The following RPL28 variants were observed in gnomAD, a reference collection of about 807,000 sequenced individuals.
The protein encoded by RPL28 is large ribosomal subunit protein eL28.
A neutral mutation model predicts 12.5 loss-of-function variants in RPL28; 4 were observed. The observed-to-expected ratio is 0.32, with a 90% CI of 0.16 to 0.73. RPL28 has a LOEUF of 0.73. RPL28 is among the 30% of genes least tolerant of loss of function. The pLI is 0.66. For missense variants in RPL28, 214 were observed against 197.7 expected (o/e 1.08, Z -0.49); for synonymous variants, 91 against 72.5 (o/e 1.26, Z -1.30).
intron 3 of RPL28, 113 bp from the exon 4 acceptor site, chr19:55,387,817 G>T: frequency 6.8e-7 from 1 of 1,470,410 alleles, no homozygotes. Context: ...CCAGGCACCC[G>T]CCACGGGCCC....
chr19:55,391,833 C>G lies in RPL28; in HGVS notation c.*3501C>G, dbSNP rs2089993026. ...CACATGCCTATGACTAATTTGTACACAAACTAATGCTCGTGTTTCCCAAGC... is the reference window on the plus strand; with the variant it reads ...CACATGCCTATGACTAATTTGTACAGAAACTAATGCTCGTGTTTCCCAAGC... On this transcript the variant is annotated 3_prime_UTR_variant, in exon 5 of 5. Transcript: ENST00000344063. 7.1e-7 allele frequency: 1 copy of G among 1,398,950 alleles called. No individual in the cohort carries two copies. The highest frequency in any genetic ancestry group is 9.4e-7 in the Non-Finnish European group (1 of 1,065,380). 86.7% of individuals were successfully genotyped at this position (1,398,950 alleles called of 1,614,324 possible).
At chr19:55,396,830 T>C (rs1194986441), downstream of RPL28, among the ~76,000 whole-genome samples, 3 of 151,490 alleles carry the variant, frequency 2.0e-5, no homozygotes, top group Admixed American at 2.0e-4. Flanking sequence ...TCCGCCCGCC[T>C]TGGCCTCCCA....
intron 3 of RPL28, chr19:55,387,406 A>G (rs1269490322): frequency 5.2e-6 from 8 of 1,547,646 alleles, no homozygotes; most frequent in Admixed American, 4.0e-5. Flanking sequence ...CACGTAGTCC[A>G]GGGAGCAGCC....
In RPL28 at chr19:55,386,837, C is replaced by T. The variant is rs781272496; in HGVS notation, c.205+144C>T. On this transcript the variant is annotated intron_variant, in intron 3 of 4. Coordinates refer to ENST00000344063, the MANE Select transcript of RPL28 (RefSeq NM_000991.5). ...AGGGTGTTGGTCTGGGTACCGGCTT[C>T]CCTCTCGGCCGACTTGTCAGCTCTG... 15 of 1,570,172 alleles carry T rather than the reference C, an allele frequency of 9.6e-6. No individual in the cohort carries two copies. The East Asian group carries it at 2.8e-4, about 30-fold the overall frequency.
chr19:55,397,834 C>T (rs74642034), intron 4 of RPL28, among the ~76,000 whole-genome samples: 2,753 of 151,910 alleles, frequency 0.018, 34 homozygotes, highest in Middle Eastern at 0.031. Context: ...GAGTTTGAGT[C>T]CATCTTGGAC....
At chr19:55,387,455 T>C in intron 3 of RPL28, 1 of 1,498,806 alleles carries the variant, frequency 6.7e-7, no homozygotes, top group African/African-American at 1.4e-5. Flanking sequence ...TGGGGAGTCC[T>C]GAAAGCTTTC....
At chr19:55,398,279 T>C (rs2090036197) in intron 4 of RPL28, among the ~76,000 whole-genome samples, 1 of 152,208 alleles carries the variant, frequency 6.6e-6, no homozygotes, top group South Asian at 2.1e-4. Context: ...TACCCCGGCA[T>C]GGATGGTTGT....
At chr19:55,396,499 T>A (rs1252538970), downstream of RPL28, among the ~76,000 whole-genome samples, 14 of 568 alleles carry the variant, frequency 0.025, no homozygotes, top group African/African-American at 0.07. Context: ...TCCCCACCCC[T>A]CCCCTCCCCT....
chr19:55,401,053 G>A (rs1296925325), intron 4 of RPL28: 3 of 235,118 alleles, frequency 1.3e-5, no homozygotes, highest in East Asian at 1.1e-4. Context: ...CCAGGTCCTC[G>A]CCCCATTTTA....
Position 55,389,932 on chromosome 19 carries a change from G to T in RPL28, c.*1600G>T, listed in dbSNP as rs1433147136. ...CCAGTCCCACTCAGGCCCATCTCTG[G>T]CTGGCCTCACTGCGCTGGGACTCCG... On this transcript the variant is annotated 3_prime_UTR_variant, in exon 5 of 5. Coordinates refer to ENST00000344063, the MANE Select transcript of RPL28 (RefSeq NM_000991.5). 18 of 985,374 alleles carry T rather than the reference G, an allele frequency of 1.8e-5. No individual in the cohort carries two copies. Among genetic ancestry groups the T allele is most frequent in the Non-Finnish European group, 2.2e-5 (18 of 829,992 alleles). 61.0% of individuals were successfully genotyped at this position (985,374 alleles called of 1,614,324 possible). A position where few individuals can be genotyped will look rare whatever the true frequency, so the allele number is the denominator to read the frequency against.
At chr19:55,398,151 G>C (rs2090035575) in intron 4 of RPL28, among the ~76,000 whole-genome samples, 1 of 152,160 alleles carries the variant, frequency 6.6e-6, no homozygotes. Context: ...AGCTGAGATT[G>C]TGCCATTGCA....
In RPL28 at chr19:55,391,303, C is replaced by A; in HGVS notation, c.*2971C>A. The A allele has an allele frequency of 1.6e-6, 1 of 644,750 alleles. No individual in the cohort carries two copies. Among genetic ancestry groups the A allele is most frequent in the Non-Finnish European group, 2.1e-6 (1 of 466,072 alleles). The allele number at this position is 644,750 out of a possible 1,614,324, so 39.9% of individuals were successfully genotyped here. A position where few individuals can be genotyped will look rare whatever the true frequency, so the allele number is the denominator to read the frequency against. On this transcript the variant is annotated 3_prime_UTR_variant, in exon 5 of 5. Transcript: ENST00000344063. ...TGCCCAGCTGTGGGGACTTGGGCAG[C>A]TCGTTTAGTAGCACCGTGCCTCAGT...
At chr19:55,387,798 C>G in intron 3 of RPL28, 132 bp from the exon 4 acceptor site, 3 of 1,465,864 alleles carry the variant, frequency 2.0e-6, no homozygotes, top group Non-Finnish European at 1.8e-6. Flanking sequence ...CAGCTACCTG[C>G]TGGCCTGCCC....
In RPL28 at chr19:55,391,929, G is replaced by A; in HGVS notation, c.*3597G>A. 3 of 1,269,348 alleles carry A rather than the reference G, an allele frequency of 2.4e-6. No individual in the cohort carries two copies. In the South Asian group the frequency reaches 7.1e-5, roughly 30 times the overall value. The allele number at this position is 1,269,348 out of a possible 1,614,324, so 78.6% of individuals were successfully genotyped here. ...CCAGGTCTGCCCCGCCGTCCTGTGG[G>A]GCTGTGAGCTTTCCCAGCCTCCTGC... On this transcript the variant is annotated 3_prime_UTR_variant, in exon 5 of 5. Transcript: ENST00000344063.
Position 55,391,580 on chromosome 19 carries a change from G to A in RPL28, c.*3248G>A. On this transcript the variant is annotated 3_prime_UTR_variant, in exon 5 of 5. Transcript: ENST00000344063. ...ACATGCTGGCATCTACTGGGTCAGG[G>A]CTCTGCTGCTCGGTGGCTGTGCAAC... The A allele has an allele frequency of 6.5e-7, 1 of 1,547,422 alleles. No homozygotes were observed. Among genetic ancestry groups the A allele is most frequent in the Non-Finnish European group, 8.7e-7 (1 of 1,143,438 alleles).
intron 4 of RPL28, chr19:55,401,609 C>T (rs765896389): frequency 7.6e-5 from 122 of 1,605,814 alleles, no homozygotes; most frequent in Middle Eastern, 6.1e-4. Context: ...CGACCGGCTT[C>T]GGCCCTGCCG....
At chr19:55,401,250 A>C (rs756313950) in intron 4 of RPL28, 46 of 700,682 alleles carry the variant, frequency 6.6e-5, no homozygotes, top group Non-Finnish European at 9.3e-5. Flanking sequence ...GGCACCATGC[A>C]GCGGTCCTGG....
chr19:55,395,216 A>C (rs1404900263), downstream of RPL28, among the ~76,000 whole-genome samples: 1 of 151,932 alleles, frequency 6.6e-6, no homozygotes, highest in Non-Finnish European at 1.5e-5. Flanking sequence ...GGCTCACTAC[A>C]ACCTCTACCA....
At chr19:55,400,625 CCAA>C (rs1358245150) in intron 4 of RPL28, 3 of 152,346 alleles carry the variant, frequency 2.0e-5, no homozygotes, top group East Asian at 3.9e-4. Flanking sequence ...CTGAAATCAG[CCAA>C]CAACCATGAG....
Sources: gnomAD v4.1 joint callset for allele counts (sites outside exome capture counted in the v4.1 genomes callset) on GRCh38, gnomAD v4.1.1 for gene constraint, MANE v1.5 for transcripts, NCBI Gene and HGNC (gene_info 2026-07-23, HGNC 2026-07-21) for gene names.